The following KDM4B variants were observed in gnomAD, a reference collection of about 807,000 sequenced individuals.
KDM4B encodes lysine-specific demethylase 4B.
Under a neutral mutation model 125.2 loss-of-function variants are expected in KDM4B, and 32 were observed. The observed-to-expected ratio is 0.26, with a 90% CI of 0.19 to 0.34. The LOEUF is 0.34. Ranked by LOEUF, KDM4B falls within the 10% of genes least tolerant of loss-of-function variation. The pLI is 1.00. For synonymous variants in KDM4B, 721 were observed against 677.9 expected (o/e 1.06, Z -0.99); for missense variants, 1,190 against 1,577.7 (o/e 0.75, Z 4.16).
At chr19:4,995,524 C>A (rs2035171303) in intron 1 of KDM4B, among the ~76,000 whole-genome samples, 1 of 152,164 alleles carries the variant, frequency 6.6e-6, no homozygotes, top group Non-Finnish European at 1.5e-5. Context: ...ACCGATCTGC[C>A]TACCTTGGCC....
At position 5,111,657 on chromosome 19, in the gene KDM4B, A is replaced by G. The variant is rs986359309; in HGVS notation, c.1115+839A>G. 8.4e-6 allele frequency: 6 copies of G among 710,400 alleles called. No homozygotes were observed. In the African/African-American group the frequency reaches 1.0e-4, roughly 12 times the overall value. The allele number at this position is 710,400 out of a possible 1,614,324, so 44.0% of individuals were successfully genotyped here. Reference sequence around the variant, plus strand: ...CTCACTCCTGTTTGGTGCCCAAGGAACATTCAGGGAGCCCCTGAGCATGAG... The same window carrying G: ...CTCACTCCTGTTTGGTGCCCAAGGAGCATTCAGGGAGCCCCTGAGCATGAG... On this transcript the variant is annotated intron_variant, in intron 10 of 22. Transcript: ENST00000159111.
chr19:4,982,276 A>G (rs2034667436), intron 1 of KDM4B, among the ~76,000 whole-genome samples: 3 of 146,440 alleles, frequency 2.0e-5, no homozygotes, highest in African/African-American at 7.6e-5. Flanking sequence ...TGGGCAGCAC[A>G]GTGAGATTCT....
At chr19:5,034,125 T>G (rs899927946) in intron 3 of KDM4B, among the ~76,000 whole-genome samples, 4 of 152,190 alleles carry the variant, frequency 2.6e-5, no homozygotes, top group Non-Finnish European at 5.9e-5. Context: ...CAGAGGAAGA[T>G]TCTGTCTCAC....
rs569566724 is a variant in KDM4B at position 5,047,696 on chromosome 19, C to A, written c.626+27C>A. The A allele has an allele frequency of 5.0e-6, 8 of 1,604,656 alleles. No individual in the cohort carries two copies. In the East Asian group the frequency reaches 1.6e-4, roughly 31 times the overall value. ...TGAGTGTCTGCACTGGCCCTGCCGC[C>A]GGCCGGACCGAGAGCCCCTCGGGAG... On this transcript the variant is annotated intron_variant, in intron 6 of 22. Transcript: ENST00000159111.
At chr19:5,094,592 A>G (rs553842786) in intron 9 of KDM4B, among the ~76,000 whole-genome samples, 1 of 120,626 alleles carries the variant, frequency 8.3e-6, no homozygotes, top group South Asian at 2.6e-4. Context: ...CCTGTGTTTT[A>G]GGGGTGGTGC....
intron 2 of KDM4B, among the ~76,000 whole-genome samples, chr19:5,026,468 C>T (rs1385292315): frequency 2.0e-5 from 3 of 152,176 alleles, no homozygotes; most frequent in South Asian, 2.1e-4. Flanking sequence ...CAGGTGTGTG[C>T]TGCAGTGTCT....
intron 1 of KDM4B, among the ~76,000 whole-genome samples, chr19:5,015,020 A>G (rs1321167636): frequency 6.6e-6 from 1 of 151,796 alleles, no homozygotes; most frequent in Non-Finnish European, 1.5e-5. Context: ...AGTACAACAA[A>G]ACCAGGGCCC....
intron 1 of KDM4B, among the ~76,000 whole-genome samples, chr19:5,012,476 G>A (rs145456676): frequency 3.9e-4 from 59 of 152,122 alleles, no homozygotes; most frequent in African/African-American, 1.3e-3. Flanking sequence ...GCCCGTAGCC[G>A]TCCCAGGATC....
At chr19:5,047,361 T>G in intron 5 of KDM4B, 115 bp from the exon 6 acceptor site, 1 of 898,686 alleles carries the variant, frequency 1.1e-6, no homozygotes, top group Non-Finnish European at 1.7e-6. Context: ...GATACTGGGG[T>G]GGAGGAGGAT....
intron 2 of KDM4B, among the ~76,000 whole-genome samples, chr19:5,032,617 G>A (rs541641945): frequency 1.4e-4 from 22 of 152,172 alleles, no homozygotes; most frequent in African/African-American, 3.9e-4. Context: ...TCCCGGTGTC[G>A]CCTCGGCCTT....
At chr19:5,116,983 G>A (rs540987641) in intron 10 of KDM4B, among the ~76,000 whole-genome samples, 24 of 152,258 alleles carry the variant, frequency 1.6e-4, no homozygotes, top group African/African-American at 5.1e-4. Context: ...AGGAAGAGGC[G>A]TGCTCTTAGG....
At position 5,070,079 on chromosome 19, in the gene KDM4B, C is replaced by T. The variant is rs143103270; in HGVS notation, c.627-931C>T. On this transcript the variant is annotated intron_variant, in intron 6 of 22. Transcript: ENST00000159111. ...CTGTGTGACTGTTCTAGAACGGGAG[C>T]TGTTGGCCTTGTTACTCTAGAGTTG... Among the ~76,000 whole-genome samples the T allele has an allele frequency of 1.6e-3, 241 of 152,218 alleles. 3 individuals carry two copies. The highest frequency in any genetic ancestry group is 5.6e-3 in the African/African-American group (232 of 41,508).
chr19:5,125,534 G>T (rs2039433955), intron 11 of KDM4B, among the ~76,000 whole-genome samples: 1 of 152,208 alleles, frequency 6.6e-6, no homozygotes, highest in African/African-American at 2.4e-5. Flanking sequence ...TCACCATCCT[G>T]TTTAAAGATG....
At position 5,144,423 on chromosome 19, in the gene KDM4B, G is replaced by T; in HGVS notation, c.2901+11G>T. On this transcript the variant is annotated intron_variant, in intron 20 of 22. Transcript: ENST00000159111. The stretch of plus-strand genomic sequence containing the variant: ...CCTGAGAGCATCACGGTGAGCTGTG[G>T]GGTGGGGCAGGGGGCGGGGGGAGGC... 1 of 1,555,364 alleles carries T rather than the reference G, an allele frequency of 6.4e-7. No homozygotes were observed. The highest frequency in any genetic ancestry group is 8.7e-7 in the Non-Finnish European group (1 of 1,149,436).
intron 18 of KDM4B, among the ~76,000 whole-genome samples, chr19:5,143,675 C>T (rs752137314): frequency 5.3e-5 from 8 of 152,136 alleles, no homozygotes; most frequent in South Asian, 2.1e-4. Context: ...CGCAGGGGGA[C>T]GGGAGAGGAC....
chr19:5,090,844 G>A (rs1036597431), intron 9 of KDM4B, among the ~76,000 whole-genome samples: 2 of 151,542 alleles, frequency 1.3e-5, no homozygotes, highest in Admixed American at 6.6e-5. Flanking sequence ...GCATCTGGGA[G>A]CCCACACCCT....
At chr19:5,055,324 C>G (rs2037362260) in intron 6 of KDM4B, among the ~76,000 whole-genome samples, 1 of 152,248 alleles carries the variant, frequency 6.6e-6, no homozygotes, top group Non-Finnish European at 1.5e-5. Flanking sequence ...TTGCTGGGAG[C>G]TGGCAGGGAC....
At chr19:5,034,609 C>T (rs1172972294) in intron 3 of KDM4B, among the ~76,000 whole-genome samples, 10 of 152,312 alleles carry the variant, frequency 6.6e-5, no homozygotes, top group Non-Finnish European at 1.0e-4. Context: ...GCCCGAGGGC[C>T]GCAGTTTGCT....
intron 1 of KDM4B, among the ~76,000 whole-genome samples, chr19:5,015,554 G>A (rs2145513979): frequency 6.6e-6 from 1 of 152,306 alleles, no homozygotes; most frequent in South Asian, 2.1e-4. Context: ...GCCCCGCCAT[G>A]AAAGTCTTGA....
Sources: gnomAD v4.1 joint callset for allele counts (sites outside exome capture counted in the v4.1 genomes callset) on GRCh38, gnomAD v4.1.1 for gene constraint, MANE v1.5 for transcripts, NCBI Gene and HGNC (gene_info 2026-07-23, HGNC 2026-07-21) for gene names.